Variants in ARL6IP6 observed in about 807,000 individuals in gnomAD.
ARL6IP6 encodes ARF like GTPase 6 interacting protein 6.
Under a neutral mutation model 21.5 loss-of-function variants are expected in ARL6IP6, and 22 were observed. The observed-to-expected ratio is 1.02, with a 90% CI of 0.73 to 1.46. The LOEUF is 1.46. Among genes scored for constraint, ARL6IP6 ranks in the 40% most tolerant of loss-of-function variants. ARL6IP6 has a pLI of 0.00. For synonymous variants in ARL6IP6, 164 were observed against 125.3 expected (o/e 1.31, Z -2.06); for missense variants, 388 against 299.8 (o/e 1.29, Z -2.17).
intron 3 of ARL6IP6, among the ~76,000 whole-genome samples, chr2:152,745,334 G>C (rs1700993919): frequency 6.6e-6 from 1 of 152,144 alleles, no homozygotes; most frequent in Admixed American, 6.5e-5. Flanking sequence ...GAAATTTCCA[G>C]CAGCACTCAG....
intron 3 of ARL6IP6, among the ~76,000 whole-genome samples, chr2:152,739,856 A>G (rs1700727367): frequency 6.6e-6 from 1 of 152,190 alleles, no homozygotes; most frequent in Admixed American, 6.5e-5. Flanking sequence ...GGAGGAGCAA[A>G]GGCACATCTT....
chr2:152,724,126 A>G (rs181211237), intron 2 of ARL6IP6, among the ~76,000 whole-genome samples: 2,293 of 100,156 alleles, frequency 0.023, 43 homozygotes, highest in African/African-American at 0.05. Context: ...AAAAAAAAAA[A>G]AGAGAGAAAG....
intron 3 of ARL6IP6, among the ~76,000 whole-genome samples, chr2:152,746,279 G>T (rs1285055236): frequency 1.3e-5 from 2 of 151,802 alleles, no homozygotes; most frequent in East Asian, 3.9e-4. Context: ...CACCTGCCTC[G>T]GCCTCCCAAA....
In ARL6IP6 at chr2:152,761,926, T is replaced by C. The variant is rs1415721943; in HGVS notation, c.*2086T>C. ...TATACCTACAAGATATATATTAATA[T>C]AGATAAATATAGAGAGAGATGTATC... On this transcript the variant is annotated 3_prime_UTR_variant, in exon 4 of 4. Coordinates refer to ENST00000326446, the MANE Select transcript of ARL6IP6 (RefSeq NM_152522.7). Among the ~76,000 whole-genome samples the C allele has an allele frequency of 6.6e-6, 1 of 152,182 alleles. No individual in the cohort carries two copies. The highest frequency in any genetic ancestry group is 1.5e-5 in the Non-Finnish European group (1 of 68,042).
chr2:152,755,002 CATT>C (rs908012117), intron 3 of ARL6IP6, among the ~76,000 whole-genome samples: 1 of 151,996 alleles, frequency 6.6e-6, no homozygotes, highest in African/African-American at 2.4e-5. Context: ...ATATGAATAT[CATT>C]AATCATTAGT....
chr2:152,744,273 A>C (rs1002028844), intron 3 of ARL6IP6, among the ~76,000 whole-genome samples: 1 of 152,148 alleles, frequency 6.6e-6, no homozygotes, highest in South Asian at 2.1e-4. Context: ...AACTAGACTC[A>C]GTTTTAAGCT....
At chr2:152,740,859 A>G (rs1416415475) in intron 3 of ARL6IP6, among the ~76,000 whole-genome samples, 1 of 152,130 alleles carries the variant, frequency 6.6e-6, no homozygotes, top group Non-Finnish European at 1.5e-5. Flanking sequence ...ATACAAATGA[A>G]GTTGTTTTAT....
At chr2:152,753,712 T>C (rs964734489) in intron 3 of ARL6IP6, among the ~76,000 whole-genome samples, 3 of 150,424 alleles carry the variant, frequency 2.0e-5, no homozygotes, top group Admixed American at 2.0e-4. Flanking sequence ...TTTTTTTTTT[T>C]TTTTTTTGAC....
At position 152,718,629 on chromosome 2, in the gene ARL6IP6, C is replaced by A; in HGVS notation, c.5C>A (p.Ser2Ter). ...GGTTTCGTTGTGTTTCGCGCCATGT[C>A]GTTTGCTGAGAGCGGGTGGCGGTCG... M[S>*]FAESGWRSAL... is the part of the protein sequence containing the mutation. The change falls in exon 1 of 4, where the codon TCG (serine) becomes TAG (stop). Residue 2 changes from serine (S) to a stop codon, truncating the protein, a stop_gained. Transcript: ENST00000326446. LOFTEE classifies it high-confidence loss of function. 1.3e-6 allele frequency: 2 copies of A among 1,528,712 alleles called. No individual in the cohort carries two copies. Among genetic ancestry groups the A allele is most frequent in the Non-Finnish European group, 1.8e-6 (2 of 1,137,444 alleles). The allele number at this position is 1,528,712 out of a possible 1,614,324, so 94.7% of individuals were successfully genotyped here.
At chr2:152,730,758 A>G (rs1334652449) in intron 2 of ARL6IP6, among the ~76,000 whole-genome samples, 2 of 152,166 alleles carry the variant, frequency 1.3e-5, no homozygotes, top group South Asian at 2.1e-4. Flanking sequence ...TTCCAGCCAC[A>G]TGACCATGTG....
upstream of ARL6IP6, chr2:152,717,722 A>G: frequency 2.9e-6 from 4 of 1,357,968 alleles, no homozygotes; most frequent in South Asian, 1.5e-5. Flanking sequence ...AAGGGAAGAC[A>G]ACAGTGTCCC....
At chr2:152,742,565 C>A in intron 3 of ARL6IP6, among the ~76,000 whole-genome samples, 1 of 128,870 alleles carries the variant, frequency 7.8e-6, no homozygotes, top group South Asian at 2.5e-4. Flanking sequence ...GCAAGATACG[C>A]TCTTTAAAAA....
rs1701855096 is a variant in ARL6IP6, at chr2:152,761,718, A to G, written c.*1878A>G. On this transcript the variant is annotated 3_prime_UTR_variant, in exon 4 of 4. Coordinates refer to ENST00000326446, the MANE Select transcript of ARL6IP6 (RefSeq NM_152522.7). ...GTTACAGTTGCCTGCAATATTCAGT[A>G]CAGTAACATGCAGTACAGGTTTATA... 6.6e-6 allele frequency among the ~76,000 whole-genome samples: 1 copy of G among 152,208 alleles called. No individual in the cohort carries two copies. The highest frequency in any genetic ancestry group is 2.4e-5 in the African/African-American group (1 of 41,470).
chr2:152,732,862 T>C (rs898840454), intron 2 of ARL6IP6, among the ~76,000 whole-genome samples: 2 of 152,184 alleles, frequency 1.3e-5, no homozygotes, highest in East Asian at 1.9e-4. Flanking sequence ...TTGGTTTTGA[T>C]TGGCATTATT....
intron 3 of ARL6IP6, among the ~76,000 whole-genome samples, chr2:152,754,433 C>T (rs545627091): frequency 5.9e-5 from 9 of 152,202 alleles, no homozygotes; most frequent in African/African-American, 2.2e-4. Context: ...CATGGTTTTC[C>T]GTATGGATAT....
At chr2:152,726,224 TTCAG>T (rs1700042653) in intron 2 of ARL6IP6, among the ~76,000 whole-genome samples, 1 of 152,210 alleles carries the variant, frequency 6.6e-6, no homozygotes, top group Admixed American at 6.5e-5. Flanking sequence ...TTTTTGAAAT[TTCAG>T]TCACTTAATC....
chr2:152,754,460 G>T (rs143297497), intron 3 of ARL6IP6, among the ~76,000 whole-genome samples: 1 of 152,054 alleles, frequency 6.6e-6, no homozygotes, highest in African/African-American at 2.4e-5. Flanking sequence ...TTTTAAATCC[G>T]TTCATCAGTT....
chr2:152,736,524 C>T (rs1466264656), intron 3 of ARL6IP6, among the ~76,000 whole-genome samples: 1 of 152,148 alleles, frequency 6.6e-6, no homozygotes, highest in Admixed American at 6.5e-5. Flanking sequence ...CAAGTCCAGT[C>T]CTTCCTGACT....
intron 3 of ARL6IP6, among the ~76,000 whole-genome samples, chr2:152,752,904 G>A (rs544458397): frequency 1.3e-5 from 2 of 152,154 alleles, no homozygotes; most frequent in South Asian, 4.2e-4. Context: ...CCCTTTGATT[G>A]AACTTTAGGA....
Sources: gnomAD v4.1 joint callset for allele counts (sites outside exome capture counted in the v4.1 genomes callset) on GRCh38, gnomAD v4.1.1 for gene constraint, MANE v1.5 for transcripts, NCBI Gene and HGNC (gene_info 2026-07-23, HGNC 2026-07-21) for gene names.